The following LRP6 variants were observed in gnomAD, a reference collection of about 807,000 sequenced individuals.
LRP6 encodes the protein low-density lipoprotein receptor-related protein 6.
A neutral mutation model predicts 184.1 loss-of-function variants in LRP6; 43 were observed. The observed-to-expected ratio is 0.23, with a 90% CI of 0.18 to 0.30. LRP6 has a LOEUF of 0.30. LRP6 is among the 10% of genes least tolerant of loss of function. The pLI is 1.00. For missense variants in LRP6, 1,571 were observed against 2,005.3 expected (o/e 0.78, Z 4.14); for synonymous variants, 719 against 684.9 (o/e 1.05, Z -0.78).
At chr12:12,233,970 T>C (rs1864862855) in intron 2 of LRP6, among the ~76,000 whole-genome samples, 1 of 152,150 alleles carries the variant, frequency 6.6e-6, no homozygotes, top group South Asian at 2.1e-4. Context: ...AAGATCTCTA[T>C]GAAATGATAT....
At position 12,135,289 on chromosome 12, in the gene LRP6, A is replaced by G; in HGVS notation, c.3619T>C (p.Cys1207Arg). Residue 1207 changes from cysteine (C) to arginine (R), a missense_variant, in exon 17 of 23, where the codon TGT becomes CGT. Physicochemically the swap from Cys to Arg is radical, Grantham distance 180. Around this residue, in one of 4 missense-constraint regions of LRP6, gnomAD observed 763 missense variants for 859.5 expected, o/e 0.89. Transcript: ENST00000261349. ...GAACAGCCACCATTATCCTGAGCACAAGGGTGCTGTCCTGCAAAGAGAAGA... is the reference window on the plus strand; with the variant it reads ...GAACAGCCACCATTATCCTGAGCACGAGGGTGCTGTCCTGCAAAGAGAAGA... Reference protein sequence around the residue: ...LNLQEYRQHPCAQDNGGCSHI... With the variant: ...LNLQEYRQHPRAQDNGGCSHI... The G allele has an allele frequency of 2.5e-6, 4 of 1,610,564 alleles. No individual in the cohort carries two copies. Among genetic ancestry groups the G allele is most frequent in the Non-Finnish European group, 2.5e-6 (3 of 1,177,880 alleles).
intron 2 of LRP6, among the ~76,000 whole-genome samples, chr12:12,216,692 GGTT>G (rs1251681057): frequency 6.6e-6 from 1 of 150,574 alleles, no homozygotes; most frequent in East Asian, 1.9e-4. Flanking sequence ...CTTTGTTAAA[GGTT>G]GTTTTCTCAA....
chr12:12,215,885 A>C (rs1394728193), intron 2 of LRP6, among the ~76,000 whole-genome samples: 1 of 151,666 alleles, frequency 6.6e-6, no homozygotes, highest in African/African-American at 2.4e-5. Flanking sequence ...GGTGGCGAGC[A>C]CCTGTAATCC....
intron 10 of LRP6, among the ~76,000 whole-genome samples, chr12:12,160,917 A>T (rs1250197487): frequency 6.6e-6 from 1 of 152,254 alleles, no homozygotes; most frequent in Non-Finnish European, 1.5e-5. Context: ...ATATTCACTC[A>T]TCAGCCTGTC....
rs149154342 is a variant in LRP6, at chr12:12,150,977, T to C, written c.2853A>G (p.Glu951=). ...GAAGGATGATGTCGGGGCTCTGTTG[T>C]TCATCAATCACCATGCGGTTGATGG... The part of the protein sequence containing the change: ...KSAINRMVID[E]QQSPDIILPI... Residue 951 remains glutamate, a synonymous_variant, in exon 13 of 23, where the codon GAA becomes GAG. Transcript: ENST00000261349. 3 of 1,614,052 alleles carry C rather than the reference T, an allele frequency of 1.9e-6. No homozygotes were observed. The highest frequency in any genetic ancestry group is 1.1e-5 in the South Asian group (1 of 91,082).
intron 19 of LRP6, 80 bp from the exon 20 acceptor site, chr12:12,127,001 A>T: frequency 8.5e-7 from 1 of 1,170,088 alleles, no homozygotes; most frequent in Non-Finnish European, 1.3e-6. Flanking sequence ...AGGGCTTGCT[A>T]ATAGGATGTG....
Position 12,158,707 on chromosome 12 carries a change from CCAAA to C in LRP6, c.2791+118_2791+121del, listed in dbSNP as rs141757282. The C allele has an allele frequency of 3.1e-3, 2,901 of 946,538 alleles. 49 individuals carry two copies. In the African/African-American group the frequency reaches 0.041, roughly 13 times the overall value. 58.6% of individuals were successfully genotyped at this position (946,538 alleles called of 1,614,324 possible). On this transcript the variant is annotated intron_variant, in intron 12 of 22. Transcript: ENST00000261349. ...ACACTTGCATTCCCCTACCCTTTAA[CCAAA>C]CAAATAACCCCCTCTGGATTTCCAC...
At chr12:12,187,613 T>C (rs1035663542) in intron 3 of LRP6, 4 of 187,930 alleles carry the variant, frequency 2.1e-5, no homozygotes, top group Non-Finnish European at 3.4e-5. Flanking sequence ...TGAGCCTGTT[T>C]TGTCCATCAC....
chr12:12,145,074 A>G (rs188421456), intron 15 of LRP6, among the ~76,000 whole-genome samples: 2 of 152,282 alleles, frequency 1.3e-5, no homozygotes, highest in Non-Finnish European at 2.9e-5. Flanking sequence ...AAAAACTGCA[A>G]TTACTTTTGC....
chr12:12,256,969 A>G (rs1296311506), intron 1 of LRP6, among the ~76,000 whole-genome samples: 1 of 151,880 alleles, frequency 6.6e-6, no homozygotes, highest in African/African-American at 2.4e-5. Context: ...CACATGCAAC[A>G]TGAATGAACC....
At chr12:12,201,298 GCAGGTT>G (rs1213206977) in intron 3 of LRP6, among the ~76,000 whole-genome samples, 1 of 152,096 alleles carries the variant, frequency 6.6e-6, no homozygotes, top group Admixed American at 6.5e-5. Context: ...GAGCACTCTG[GCAGGTT>G]CATTTCAGTA....
chr12:12,124,811 G>A, intron 21 of LRP6, 149 bp from the exon 22 acceptor site: 1 of 622,890 alleles, frequency 1.6e-6, no homozygotes, highest in Non-Finnish European at 2.8e-6. Flanking sequence ...ACCTCAAACA[G>A]TACTTTGGGA....
At chr12:12,262,612 G>C (rs61410167) in intron 1 of LRP6, among the ~76,000 whole-genome samples, 1 of 149,932 alleles carries the variant, frequency 6.7e-6, no homozygotes, top group African/African-American at 2.4e-5. Flanking sequence ...TACACACACC[G>C]ATGGTATTCC....
intron 1 of LRP6, among the ~76,000 whole-genome samples, chr12:12,252,462 G>C (rs1248673427): frequency 1.3e-5 from 2 of 152,184 alleles, no homozygotes; most frequent in Non-Finnish European, 2.9e-5. Flanking sequence ...CCCTCCCTAA[G>C]TTTAAGTTAA....
chr12:12,150,789 C>T (rs1225362121), intron 13 of LRP6, 47 bp downstream of exon 13: 2 of 1,591,682 alleles, frequency 1.3e-6, no homozygotes, highest in Non-Finnish European at 1.7e-6. Flanking sequence ...TTGGTGAGTC[C>T]AGTTATTAGT....
rs1949601179 is a variant in LRP6 at position 12,121,272 on chromosome 12, G to T, written c.4696C>A (p.Pro1566Thr). The T allele has an allele frequency of 6.2e-7, 1 of 1,614,094 alleles. No individual in the cohort carries two copies. The highest frequency in any genetic ancestry group is 8.5e-7 in the Non-Finnish European group (1 of 1,180,026). The change falls in exon 23 of 23, where the codon CCT (proline) becomes ACT (threonine). Residue 1566 changes from proline to threonine, a missense_variant. Around this residue, in one of 4 missense-constraint regions of LRP6, gnomAD observed 763 missense variants for 859.5 expected, o/e 0.89. Coordinates refer to ENST00000261349, the MANE Select transcript of LRP6 (RefSeq NM_002336.3). The stretch of plus-strand genomic sequence containing the variant: ...CGGGGTGTGGGAGGTGGGGGCACAG[G>T]TTCTGAATCATAGTTCAAGTCACTG... Reference protein sequence around the residue: ...YTSDLNYDSEPVPPPPTPRSQ... With the variant: ...YTSDLNYDSETVPPPPTPRSQ...
rs745743951 is a variant in LRP6 at position 12,203,225 on chromosome 12, A to C, written c.625T>G (p.Ser209Ala). 1 of 1,610,358 alleles carries C rather than the reference A, an allele frequency of 6.2e-7. No homozygotes were observed. The highest frequency in any genetic ancestry group is 1.1e-5 in the South Asian group (1 of 90,266). Reference sequence around the variant, plus strand: ...TACCGATTTGTTCCATCCAGATTTGATTTGTGGATGAAATTAAGTTTTGCA... The same window carrying C: ...TACCGATTTGTTCCATCCAGATTTGCTTTGTGGATGAAATTAAGTTTTGCA... ...ADAKLNFIHK[S>A]NLDGTNRQAV... Residue 209 changes from serine (S) to alanine (A), a missense_variant, in exon 3 of 23, where the codon TCA becomes GCA. This residue lies in a region of LRP6 where 640 missense variants were observed against 851.9 expected (regional missense o/e 0.75). Transcript: ENST00000261349.
intron 7 of LRP6, among the ~76,000 whole-genome samples, chr12:12,173,566 C>T (rs1429388377): frequency 2.0e-5 from 3 of 152,104 alleles, no homozygotes; most frequent in Non-Finnish European, 4.4e-5. Flanking sequence ...TTGTCTCAAA[C>T]TCCTGGGCTC....
At chr12:12,201,373 A>C (rs1448533772) in intron 3 of LRP6, among the ~76,000 whole-genome samples, 1 of 152,154 alleles carries the variant, frequency 6.6e-6, no homozygotes, top group African/African-American at 2.4e-5. Context: ...TCTTTACCAT[A>C]GTCACACTGC....
Sources: allele counts gnomAD v4.1 joint callset (sites outside exome capture counted in the v4.1 genomes callset), GRCh38; gene constraint gnomAD v4.1.1; regional missense constraint gnomAD v4.1.1; transcripts MANE v1.5; gene names NCBI Gene and HGNC (gene_info 2026-07-23, HGNC 2026-07-21).